Variants in WDR41 observed in about 807,000 individuals in gnomAD.
The protein encoded by WDR41 is WD repeat domain 41.
Under a neutral mutation model 69.3 loss-of-function variants are expected in WDR41, and 63 were observed. The ratio of observed to expected loss-of-function variants is 0.91; its 90% CI spans 0.74 to 1.12. WDR41 has a LOEUF of 1.12. WDR41 is among the 50% of genes most tolerant of loss of function. The probability of loss-of-function intolerance (pLI) is 0.00; values close to 1 mark genes in which losing one functional copy is unlikely to be tolerated. For missense variants in WDR41, 543 were observed against 534.5 expected (o/e 1.02, Z -0.16); for synonymous variants, 185 against 192.1 (o/e 0.96, Z 0.31).
chr5:77,514,922 T>A (rs1475126765), intron 1 of WDR41, among the ~76,000 whole-genome samples: 1 of 152,202 alleles, frequency 6.6e-6, no homozygotes, highest in Non-Finnish European at 1.5e-5. Flanking sequence ...TTACCATGAA[T>A]GTAGCCTGAA....
At chr5:77,463,590 T>G (rs1800164601) in intron 3 of WDR41, among the ~76,000 whole-genome samples, 1 of 152,160 alleles carries the variant, frequency 6.6e-6, no homozygotes. Flanking sequence ...TATTTAAGTC[T>G]CCACAGTTAT....
intron 1 of WDR41, chr5:77,583,120 T>A: frequency 7.0e-7 from 1 of 1,435,454 alleles, no homozygotes; most frequent in Non-Finnish European, 9.7e-7. Context: ...AAGAATGAAC[T>A]AAGGTGTCTA....
chr5:77,498,816 C>CAAA (rs35946022), intron 1 of WDR41, among the ~76,000 whole-genome samples: 1 of 87,438 alleles, frequency 1.1e-5, no homozygotes, highest in Admixed American at 1.3e-4. Context: ...AAGACCCCAT[C>CAAA]AAAAAAAAAA....
At chr5:77,483,913 T>C (rs1801399964) in intron 2 of WDR41, among the ~76,000 whole-genome samples, 1 of 152,206 alleles carries the variant, frequency 6.6e-6, no homozygotes, top group South Asian at 2.1e-4. Flanking sequence ...TTGCAATTCA[T>C]TGCAGTTACT....
intron 1 of WDR41, among the ~76,000 whole-genome samples, chr5:77,534,043 C>T (rs1264074338): frequency 2.6e-5 from 4 of 152,034 alleles, no homozygotes; most frequent in African/African-American, 9.7e-5. Flanking sequence ...TGAATATTAA[C>T]CTATAAAATA....
intron 4 of WDR41, among the ~76,000 whole-genome samples, chr5:77,461,915 A>G (rs947001685): frequency 2.0e-5 from 3 of 152,042 alleles, no homozygotes; most frequent in Non-Finnish European, 4.4e-5. Context: ...ATAGCACTTG[A>G]CTCTGGACTT....
intron 7 of WDR41, 109 bp downstream of exon 7, chr5:77,451,182 A>C: frequency 1.0e-6 from 1 of 965,236 alleles, no homozygotes; most frequent in Admixed American, 2.2e-5. Context: ...CAAGAAGCCA[A>C]GAGTGGGGCA....
At chr5:77,589,427 G>GA (rs1372042811) in intron 1 of WDR41, among the ~76,000 whole-genome samples, 1 of 151,978 alleles carries the variant, frequency 6.6e-6, no homozygotes, top group Non-Finnish European at 1.5e-5. Flanking sequence ...AAAACAAAAA[G>GA]AAAAAACCGG....
At chr5:77,438,597 G>GTATA (rs1465080178) in intron 9 of WDR41, among the ~76,000 whole-genome samples, 2 of 152,208 alleles carry the variant, frequency 1.3e-5, no homozygotes, top group African/African-American at 4.8e-5. Context: ...GGTCTGCATA[G>GTATA]TATATCCCTT....
chr5:77,563,128 A>G (rs932077300), intron 1 of WDR41, among the ~76,000 whole-genome samples: 2 of 152,164 alleles, frequency 1.3e-5, no homozygotes, highest in African/African-American at 4.8e-5. Flanking sequence ...ATGCATATCT[A>G]CAACATGGTA....
chr5:77,449,770 A>T lies in WDR41; in HGVS notation c.687T>A (p.Ile229=). ...LDHQDNILSL[I]NVNDLSFVTG... is the part of the protein sequence containing the mutation. ...ACACAATGAGCTTACCATTGACATT[A>T]ATCAATGAGAGAATATTATCCTGGT... Residue 229 remains isoleucine (I), a synonymous_variant, in exon 8 of 13, where the codon ATT becomes ATA. Transcript: ENST00000296679. The T allele has an allele frequency of 6.3e-7, 1 of 1,595,320 alleles. No individual in the cohort carries two copies. The highest frequency in any genetic ancestry group is 8.6e-7 in the Non-Finnish European group (1 of 1,163,020).
intron 1 of WDR41, among the ~76,000 whole-genome samples, chr5:77,531,823 A>C (rs1243902468): frequency 6.6e-6 from 1 of 152,054 alleles, no homozygotes; most frequent in Non-Finnish European, 1.5e-5. Flanking sequence ...TCTTGAAAAC[A>C]TTATGCTAAG....
Position 77,443,876 on chromosome 5 carries a change from CTTTTTTTTTTTTTTTT to C in WDR41, c.698-2895_698-2880del, listed in dbSNP as rs746105630. Among the ~76,000 whole-genome samples the C allele has an allele frequency of 2.9e-5, 3 of 105,006 alleles. 1 individual carries two copies. The highest frequency in any genetic ancestry group is 5.7e-5 in the Non-Finnish European group (3 of 52,902). The allele number at this position is 105,006 out of a possible 152,430, so 68.9% of individuals were successfully genotyped here. ...AATACGGCATTCAGCTCAATCAGCACTTTTTTTTTTTTTTTTTTTTTTTTGAAATGAAGTCTCACTC... is the reference window on the plus strand; with the variant it reads ...AATACGGCATTCAGCTCAATCAGCACTTTTTTTTGAAATGAAGTCTCACTC... On this transcript the variant is annotated intron_variant, in intron 8 of 12. Transcript: ENST00000296679.
intron 1 of WDR41, among the ~76,000 whole-genome samples, chr5:77,606,495 A>T (rs976433634): frequency 2.0e-5 from 3 of 152,172 alleles, no homozygotes; most frequent in African/African-American, 7.2e-5. Context: ...AGTGTAAATG[A>T]CTGGAGTGGC....
chr5:77,438,519 G>C (rs1461903255), intron 9 of WDR41, among the ~76,000 whole-genome samples, 158 bp from the exon 10 acceptor site: 1 of 152,068 alleles, frequency 6.6e-6, no homozygotes, highest in Non-Finnish European at 1.5e-5. Flanking sequence ...ACCCCAAAAT[G>C]TCAAAGCACT....
Position 77,449,887 on chromosome 5 carries a change from G to A in WDR41, c.587-17C>T, listed in dbSNP as rs762473115. 7 of 1,543,124 alleles carry A rather than the reference G, an allele frequency of 4.5e-6. No homozygotes were observed. The East Asian group carries it at 1.4e-4, about 30-fold the overall frequency. On this transcript the variant is annotated splice_polypyrimidine_tract_variant and intron_variant, in intron 7 of 12. Coordinates refer to ENST00000296679, the MANE Select transcript of WDR41 (RefSeq NM_018268.4). ...TGAAAATTACTAAATGAAAAAGACA[G>A]ATAAAATTTTATTACAATGCTCTAA...
At chr5:77,448,665 C>G (rs1454163412) in intron 8 of WDR41, among the ~76,000 whole-genome samples, 2 of 151,870 alleles carry the variant, frequency 1.3e-5, no homozygotes, top group African/African-American at 4.8e-5. Context: ...GTCAGGAGTT[C>G]GAGACCAGCC....
intron 1 of WDR41, among the ~76,000 whole-genome samples, chr5:77,499,089 G>A (rs1801979230): frequency 6.6e-6 from 1 of 152,138 alleles, no homozygotes; most frequent in African/African-American, 2.4e-5. Context: ...AGTTCTGAGT[G>A]AGATAGGATA....
At chr5:77,471,665 T>G (rs1393091709) in intron 2 of WDR41, among the ~76,000 whole-genome samples, 1 of 152,062 alleles carries the variant, frequency 6.6e-6, no homozygotes, top group Non-Finnish European at 1.5e-5. Context: ...GCAAATAAAC[T>G]AGAAAATCTA....
Sources: allele counts gnomAD v4.1 joint callset (sites outside exome capture counted in the v4.1 genomes callset), GRCh38; gene constraint gnomAD v4.1.1; transcripts MANE v1.5; gene names NCBI Gene and HGNC (gene_info 2026-07-23, HGNC 2026-07-21).